The following SLC9A9 variants were observed in gnomAD, a reference collection of about 807,000 sequenced individuals.
The protein encoded by SLC9A9 is sodium/hydrogen exchanger 9.
Under a neutral mutation model 77.8 loss-of-function variants are expected in SLC9A9, and 62 were observed. The observed-to-expected ratio is 0.80, with a 90% CI of 0.65 to 0.98. SLC9A9 has a LOEUF of 0.98. SLC9A9 is among the 50% of genes least tolerant of loss of function. The pLI is 0.00. For missense variants in SLC9A9, 775 were observed against 774.9 expected (o/e 1.00, Z 0.00); for synonymous variants, 320 against 283.5 (o/e 1.13, Z -1.29).
chr3:143,704,867 C>G (rs1489519303), intron 4 of SLC9A9, among the ~76,000 whole-genome samples: 1 of 152,070 alleles, frequency 6.6e-6, no homozygotes, highest in African/African-American at 2.4e-5. Context: ...TGGTACATGC[C>G]TGTAATCCCA....
chr3:143,437,604 A>T (rs1049601887), intron 12 of SLC9A9, among the ~76,000 whole-genome samples: 1 of 152,248 alleles, frequency 6.6e-6, no homozygotes. Context: ...AACAGGCAGG[A>T]AAGTAGGTCA....
chr3:143,450,667 C>T (rs2034990918), intron 12 of SLC9A9, among the ~76,000 whole-genome samples: 2 of 152,138 alleles, frequency 1.3e-5, no homozygotes, highest in African/African-American at 2.4e-5. Context: ...CTTTGAGAAT[C>T]CCACTGAAAT....
At chr3:143,391,020 G>A (rs1490209075) in intron 12 of SLC9A9, among the ~76,000 whole-genome samples, 2 of 152,224 alleles carry the variant, frequency 1.3e-5, no homozygotes, top group South Asian at 2.1e-4. Flanking sequence ...CTCCACCTCC[G>A]GGGGCAGGGC....
intron 2 of SLC9A9, among the ~76,000 whole-genome samples, chr3:143,808,858 A>G (rs1386105194): frequency 1.3e-5 from 2 of 152,312 alleles, no homozygotes; most frequent in East Asian, 1.9e-4. Context: ...CCTGACATCT[A>G]GTAAGCACAT....
intron 8 of SLC9A9, among the ~76,000 whole-genome samples, chr3:143,558,785 A>G (rs2037031280): frequency 6.6e-6 from 1 of 152,138 alleles, no homozygotes; most frequent in Non-Finnish European, 1.5e-5. Context: ...TAATACTGGA[A>G]TAGGTTAAGA....
chr3:143,779,061 G>C (rs374768165), intron 4 of SLC9A9, among the ~76,000 whole-genome samples: 1 of 152,106 alleles, frequency 6.6e-6, no homozygotes, highest in Non-Finnish European at 1.5e-5. Flanking sequence ...ATCTTGCTCC[G>C]GGATGTCTTA....
At position 143,789,962 on chromosome 3, in the gene SLC9A9, G is replaced by A. The variant is rs181001320; in HGVS notation, c.533+5039C>T. 1.6e-3 allele frequency among the ~76,000 whole-genome samples: 248 copies of A among 152,258 alleles called. 1 individual carries two copies. In the Middle Eastern group the frequency reaches 0.034, roughly 21 times the overall value. Reference sequence around the variant, plus strand: ...CCAGCATTCTAGCTGATATGGTTTGGCTGTGTCCCTACCCCAAATCTCATG... The same window carrying A: ...CCAGCATTCTAGCTGATATGGTTTGACTGTGTCCCTACCCCAAATCTCATG... On this transcript the variant is annotated intron_variant, in intron 4 of 15. Transcript: ENST00000316549.
chr3:143,552,024 C>T (rs2036896641), intron 9 of SLC9A9, among the ~76,000 whole-genome samples: 1 of 152,190 alleles, frequency 6.6e-6, no homozygotes. Context: ...TTCCTTCTTT[C>T]TCTATAACTA....
intron 14 of SLC9A9, among the ~76,000 whole-genome samples, chr3:143,301,903 G>C (rs2030539775): frequency 6.6e-6 from 1 of 152,200 alleles, no homozygotes; most frequent in South Asian, 2.1e-4. Flanking sequence ...CTTAATGTCA[G>C]TGGAGGTGTT....
At chr3:143,602,599 C>A (rs905489328) in intron 6 of SLC9A9, among the ~76,000 whole-genome samples, 10 of 152,020 alleles carry the variant, frequency 6.6e-5, no homozygotes, top group Middle Eastern at 3.2e-3. Flanking sequence ...TTAATAATTT[C>A]TTTTAAAAGA....
At chr3:143,746,058 C>A (rs1249386221) in intron 4 of SLC9A9, among the ~76,000 whole-genome samples, 1 of 152,180 alleles carries the variant, frequency 6.6e-6, no homozygotes, top group Admixed American at 6.5e-5. Flanking sequence ...CGAGCATAGG[C>A]CAAAGTCAAA....
chr3:143,318,932 C>T (rs570118380), intron 14 of SLC9A9, among the ~76,000 whole-genome samples: 7 of 152,222 alleles, frequency 4.6e-5, no homozygotes, highest in South Asian at 2.1e-4. Flanking sequence ...AGTAAAAAGG[C>T]GTCAGAGAAG....
chr3:143,326,944 G>A (rs144486487), intron 14 of SLC9A9, among the ~76,000 whole-genome samples: 1 of 152,264 alleles, frequency 6.6e-6, no homozygotes, highest in Non-Finnish European at 1.5e-5. Flanking sequence ...CTCTTGCCTT[G>A]TGCATATATC....
At chr3:143,566,063 G>T (rs868815549) in intron 8 of SLC9A9, among the ~76,000 whole-genome samples, 2 of 152,084 alleles carry the variant, frequency 1.3e-5, no homozygotes, top group African/African-American at 4.8e-5. Flanking sequence ...GAAATGATGA[G>T]ATGAGAAGTA....
intron 7 of SLC9A9, 23 bp downstream of exon 7, chr3:143,578,562 T>G (rs1227945759): frequency 6.2e-7 from 1 of 1,613,746 alleles, no homozygotes. Flanking sequence ...AGTCCCAGCT[T>G]TCCACATACA....
intron 5 of SLC9A9, among the ~76,000 whole-genome samples, chr3:143,658,081 G>C (rs961451571): frequency 6.6e-6 from 1 of 152,098 alleles, no homozygotes; most frequent in Non-Finnish European, 1.5e-5. Flanking sequence ...TGGCCAGACT[G>C]GTCTTGAACT....
At chr3:143,584,273 A>G (rs183228704) in intron 6 of SLC9A9, among the ~76,000 whole-genome samples, 71 of 152,224 alleles carry the variant, frequency 4.7e-4, no homozygotes, top group African/African-American at 1.7e-3. Flanking sequence ...AGTTACCCAC[A>G]GAAACTACCC....
intron 5 of SLC9A9, among the ~76,000 whole-genome samples, chr3:143,664,980 T>C (rs1032307534): frequency 6.6e-6 from 1 of 152,176 alleles, no homozygotes; most frequent in Non-Finnish European, 1.5e-5. Flanking sequence ...CTGCACCAAG[T>C]GGACCTAATA....
At chr3:143,798,610 T>G (rs1295685709) in intron 2 of SLC9A9, among the ~76,000 whole-genome samples, 1 of 152,192 alleles carries the variant, frequency 6.6e-6, no homozygotes, top group Non-Finnish European at 1.5e-5. Context: ...AGCATTTTAT[T>G]TTCTTCTGCA....
Sources: allele counts gnomAD v4.1 joint callset (sites outside exome capture counted in the v4.1 genomes callset), GRCh38; gene constraint gnomAD v4.1.1; transcripts MANE v1.5; gene names NCBI Gene and HGNC (gene_info 2026-07-23, HGNC 2026-07-21).